The following LARGE1 variants were observed in gnomAD, a reference collection of about 807,000 sequenced individuals.
The protein encoded by LARGE1 is LARGE xylosyl- and glucuronyltransferase 1, also known as xylosyl- and glucuronyltransferase LARGE1.
In LARGE1, 43 loss-of-function variants were observed where a neutral mutation model predicts 87.6. The ratio of observed to expected loss-of-function variants is 0.49; its 90% CI spans 0.38 to 0.63. The LOEUF (loss-of-function observed/expected upper bound fraction) is 0.63, where lower values mean the gene tolerates loss of function less well. Ranked by LOEUF, LARGE1 falls within the 30% of genes least tolerant of loss-of-function variation. The pLI is 0.00. For missense variants in LARGE1, 802 were observed against 1,000.2 expected (o/e 0.80, Z 2.67); for synonymous variants, 434 against 394.6 (o/e 1.10, Z -1.18).
chr22:33,110,024 G>A, the LARGE1 span, among the ~76,000 whole-genome samples: 2 of 152,148 alleles, frequency 1.3e-5, no homozygotes, highest in African/African-American at 4.8e-5. Flanking sequence ...AATGCAAAGT[G>A]AACTAACACG....
chr22:33,652,186 C>A (rs973586513), intron 2 of LARGE1, among the ~76,000 whole-genome samples: 1 of 151,832 alleles, frequency 6.6e-6, no homozygotes, highest in African/African-American at 2.4e-5. Context: ...AAACAAAAAA[C>A]AAAAACAAAA....
At chr22:33,312,438 CAAA>C (rs370832626) in intron 11 of LARGE1, among the ~76,000 whole-genome samples, 3 of 56,422 alleles carry the variant, frequency 5.3e-5, no homozygotes, top group African/African-American at 5.7e-5. Context: ...GACTCTGTCT[CAAA>C]AAAAAAAAAA....
intron 9 of LARGE1, among the ~76,000 whole-genome samples, chr22:33,366,790 C>CA (rs2064610109): frequency 6.6e-6 from 1 of 152,052 alleles, no homozygotes; most frequent in African/African-American, 2.4e-5. Flanking sequence ...TTATTAACAG[C>CA]ATGAGAACAG....
chr22:33,384,337 A>T, intron 7 of LARGE1, 33 bp from the exon 8 acceptor site: 4 of 1,518,254 alleles, frequency 2.6e-6, no homozygotes, highest in Non-Finnish European at 3.7e-6. Flanking sequence ...AGAGAAAATT[A>T]AAAAATAAAA....
chr22:33,830,660 T>A (rs763641555), intron 1 of LARGE1, among the ~76,000 whole-genome samples: 2 of 152,156 alleles, frequency 1.3e-5, no homozygotes, highest in Admixed American at 6.5e-5. Context: ...AGACTGGAAA[T>A]GATGACAATG....
At chr22:33,244,084 G>T (rs1167537323) in intron 11 of LARGE1, among the ~76,000 whole-genome samples, 1 of 152,048 alleles carries the variant, frequency 6.6e-6, no homozygotes, top group Non-Finnish European at 1.5e-5. Flanking sequence ...CGCCTCCTGG[G>T]TTCATGCCAT....
intron 7 of LARGE1, among the ~76,000 whole-genome samples, chr22:33,419,416 T>C (rs941642434): frequency 6.6e-6 from 1 of 151,700 alleles, no homozygotes; most frequent in Non-Finnish European, 1.5e-5. Flanking sequence ...GCCATGATCA[T>C]GAGAGGGAAA....
intron 11 of LARGE1, among the ~76,000 whole-genome samples, chr22:33,190,499 C>T (rs983774138): frequency 1.3e-5 from 2 of 152,144 alleles, no homozygotes; most frequent in Non-Finnish European, 2.9e-5. Flanking sequence ...CCTCATAATA[C>T]CCACATTTGC....
chr22:33,139,027 G>T, the LARGE1 span, among the ~76,000 whole-genome samples: 1 of 152,114 alleles, frequency 6.6e-6, no homozygotes, highest in Non-Finnish European at 1.5e-5. Context: ...AAAAATGGGA[G>T]AGTCCCTGCA....
In LARGE1 at chr22:33,316,121, G is replaced by C. The variant is rs779725828; in HGVS notation, c.1415C>G (p.Thr472Arg). Residue 472 changes from threonine (T) to arginine (R), a missense_variant, in exon 11 of 15, where the codon ACG becomes AGG. This residue lies in a region of LARGE1 where 625 missense variants were observed against 841.9 expected (regional missense o/e 0.74). Coordinates refer to ENST00000397394, the MANE Select transcript of LARGE1 (RefSeq NM_133642.5). ...HYEYEPAADS[T>R]DVTLVAQLSM... ...CAGCTGAGCGACCAGGGTGACGTCC[G>C]TGCTGTCTGCTGCAGGCTCATACTC... 2.5e-6 allele frequency: 4 copies of C among 1,614,032 alleles called. No individual in the cohort carries two copies. The Admixed American group carries it at 6.7e-5, about 27-fold the overall frequency.
intron 6 of LARGE1, among the ~76,000 whole-genome samples, chr22:33,462,219 C>A (rs1205936470): frequency 2.0e-5 from 3 of 152,138 alleles, no homozygotes; most frequent in South Asian, 4.2e-4. Flanking sequence ...ACAATGTAAG[C>A]CTTAAGGGAG....
chr22:33,749,781 A>C (rs2145621725), intron 2 of LARGE1, among the ~76,000 whole-genome samples: 1 of 152,298 alleles, frequency 6.6e-6, no homozygotes, highest in Non-Finnish European at 1.5e-5. Flanking sequence ...TCTGTTGTCC[A>C]AGATACCCCA....
intron 1 of LARGE1, among the ~76,000 whole-genome samples, chr22:33,780,663 A>C (rs1024726588): frequency 6.6e-6 from 1 of 152,234 alleles, no homozygotes; most frequent in African/African-American, 2.4e-5. Flanking sequence ...CTAACATCTA[A>C]CACACAACAT....
chr22:33,474,868 C>CA (rs756875682), intron 6 of LARGE1, among the ~76,000 whole-genome samples: 3 of 152,174 alleles, frequency 2.0e-5, no homozygotes, highest in African/African-American at 4.8e-5. Flanking sequence ...GCATCCAAAA[C>CA]ACAGCTGCTC....
At chr22:33,806,716 A>G (rs1333195303) in intron 1 of LARGE1, among the ~76,000 whole-genome samples, 1 of 152,182 alleles carries the variant, frequency 6.6e-6, no homozygotes, top group Non-Finnish European at 1.5e-5. Context: ...AGCTGACTTC[A>G]AATCCTCTTC....
chr22:33,661,556 A>T (rs567052036), intron 2 of LARGE1, among the ~76,000 whole-genome samples: 51 of 152,034 alleles, frequency 3.4e-4, no homozygotes, highest in African/African-American at 1.2e-3. Context: ...CACTGACAAT[A>T]ATGTCTGGTT....
chr22:33,229,582 TA>T (rs1402809862), intron 11 of LARGE1, among the ~76,000 whole-genome samples: 1 of 151,968 alleles, frequency 6.6e-6, no homozygotes, highest in African/African-American at 2.4e-5. Context: ...CATAAGGAAA[TA>T]AAGTAGAATT....
At chr22:33,155,837 A>T in the LARGE1 span, among the ~76,000 whole-genome samples, 1 of 152,240 alleles carries the variant, frequency 6.6e-6, no homozygotes, top group East Asian at 1.9e-4. Context: ...AAATGGTTTC[A>T]TGTGCCAGGC....
chr22:33,111,726 G>T, the LARGE1 span, among the ~76,000 whole-genome samples: 1 of 152,194 alleles, frequency 6.6e-6, no homozygotes, highest in African/African-American at 2.4e-5. Context: ...TTTTGAGAAG[G>T]TTGCTTGAGG....
Sources: gnomAD v4.1 joint callset for allele counts (sites outside exome capture counted in the v4.1 genomes callset) on GRCh38, gnomAD v4.1.1 for gene constraint, gnomAD v4.1.1 regional missense constraint, MANE v1.5 for transcripts, NCBI Gene and HGNC (gene_info 2026-07-23, HGNC 2026-07-21) for gene names.